MICU1: variants seen among roughly 807,000 people sequenced by gnomAD.
MICU1 encodes mitochondrial calcium uptake 1.
A neutral mutation model predicts 56.8 loss-of-function variants in MICU1; 45 were observed. The ratio of observed to expected loss-of-function variants is 0.79; its 90% CI spans 0.62 to 1.02. The LOEUF (loss-of-function observed/expected upper bound fraction) is 1.02, where lower values mean the gene tolerates loss of function less well. MICU1 is among the 50% of genes least tolerant of loss of function. The pLI, the probability that MICU1 is intolerant of heterozygous loss-of-function variation, is 0.00. For synonymous variants in MICU1, 186 were observed against 195.1 expected, an observed-to-expected ratio of 0.95 and a Z score of 0.39; for missense variants, 504 against 587.1, an observed-to-expected ratio of 0.86 and a Z score of 1.46.
At position 72,505,996 on chromosome 10, in the gene MICU1, C is replaced by CAAAA. The variant is rs34458233; in HGVS notation, c.652+2155_652+2158dup. 9.4e-5 allele frequency among the ~76,000 whole-genome samples: 13 copies of CAAAA among 138,384 alleles called. 1 individual carries two copies. Among genetic ancestry groups the CAAAA allele is most frequent in the Non-Finnish European group, 1.7e-4 (11 of 64,870 alleles). 90.8% of individuals were successfully genotyped at this position (138,384 alleles called of 152,430 possible). On this transcript the variant is annotated intron_variant, in intron 6 of 11. Coordinates refer to ENST00000361114, the MANE Select transcript of MICU1 (RefSeq NM_001195518.2). The stretch of plus-strand genomic sequence containing the variant: ...ATTATAAAAACAAAAAACAAGCAAG[C>CAAAA]AAAAAAAAAAAAAAACTAGTGATAA...
intron 6 of MICU1, among the ~76,000 whole-genome samples, chr10:72,478,117 C>T (rs1589260246): frequency 1.3e-5 from 2 of 151,496 alleles, no homozygotes; most frequent in East Asian, 2.0e-4. Flanking sequence ...GATCCACTCG[C>T]CTTGGCCTCC....
rs969089312 is a variant in MICU1 at position 72,475,081 on chromosome 10, G to A, written c.933+19C>T. On this transcript the variant is annotated intron_variant, in intron 8 of 11. Coordinates refer to ENST00000361114, the MANE Select transcript of MICU1 (RefSeq NM_001195518.2). ...CAGTTCCACATGTGATGGATCTACT[G>A]AGTCTAAGGAAGACCTACCTCAAGC... 5.6e-6 allele frequency: 9 copies of A among 1,595,816 alleles called. No homozygotes were observed. The highest frequency in any genetic ancestry group is 7.7e-6 in the Non-Finnish European group (9 of 1,170,244).
Position 72,568,508 on chromosome 10 carries a change from G to A in MICU1, c.-1-1714C>T, listed in dbSNP as rs373429816. 1.1e-4 allele frequency among the ~76,000 whole-genome samples: 16 copies of A among 152,036 alleles called. No individual in the cohort carries two copies. In the East Asian group the frequency reaches 2.7e-3, roughly 26 times the overall value. On this transcript the variant is annotated intron_variant, in intron 1 of 11. Coordinates refer to ENST00000361114, the MANE Select transcript of MICU1 (RefSeq NM_001195518.2). ...TCTTGTGTTCCTGCACTCCATCGAG[G>A]GAAGACCATGTCCCAAAGAGACACT...
intron 10 of MICU1, among the ~76,000 whole-genome samples, chr10:72,405,649 C>T (rs1269293290): frequency 6.6e-6 from 1 of 150,404 alleles, no homozygotes. Flanking sequence ...TCTAGTAATA[C>T]ATTAAAAAAG....
rs183673131 is a variant in MICU1 at position 72,578,897 on chromosome 10, G to A, written c.-1-12103C>T. ...TGGGATTACAGGTGTGAGTCACCGC[G>A]CCCAGCCTGTTTTTTAGATATAATG... On this transcript the variant is annotated intron_variant, in intron 1 of 11. Coordinates refer to ENST00000361114, the MANE Select transcript of MICU1 (RefSeq NM_001195518.2). 2.7e-3 allele frequency among the ~76,000 whole-genome samples: 416 copies of A among 152,246 alleles called. 2 individuals carry two copies. The highest frequency in any genetic ancestry group is 9.0e-3 in the African/African-American group (374 of 41,558).
At chr10:72,386,210 C>T (rs1045738820) in intron 10 of MICU1, among the ~76,000 whole-genome samples, 1 of 152,054 alleles carries the variant, frequency 6.6e-6, no homozygotes, top group Non-Finnish European at 1.5e-5. Context: ...GGGACGGAGT[C>T]TCGCTCTGTC....
intron 1 of MICU1, among the ~76,000 whole-genome samples, chr10:72,571,631 G>C (rs771187659): frequency 1.3e-5 from 2 of 152,194 alleles, no homozygotes; most frequent in Non-Finnish European, 2.9e-5. Flanking sequence ...AAACTGCAAA[G>C]AAGCAAAGGC....
chr10:72,596,526 A>G (rs759504853), intron 1 of MICU1, among the ~76,000 whole-genome samples: 8 of 152,148 alleles, frequency 5.3e-5, no homozygotes, highest in African/African-American at 9.7e-5. Context: ...GATTAAGACA[A>G]CAAATTTGAT....
Position 72,532,565 on chromosome 10 carries a change from G to A in MICU1, c.537+1181C>T, listed in dbSNP as rs150826555. On this transcript the variant is annotated intron_variant, in intron 5 of 11. Coordinates refer to ENST00000361114, the MANE Select transcript of MICU1 (RefSeq NM_001195518.2). ...AAGTGTTGCAGTAAGTCCTCACATT[G>A]GATAGGGTACTTTACCATAGATAAA... is the stretch of plus-strand genomic sequence containing the variant. Among the ~76,000 whole-genome samples the A allele has an allele frequency of 2.1e-3, 322 of 152,238 alleles. 1 individual carries two copies. Among genetic ancestry groups the A allele is most frequent in the African/African-American group, 6.9e-3 (288 of 41,546 alleles).
chr10:72,524,048 T>A (rs1465762365), intron 5 of MICU1: 1 of 1,166,600 alleles, frequency 8.6e-7, no homozygotes, highest in Non-Finnish European at 1.1e-6. Context: ...AAAAGATTAA[T>A]TTTTAACTTG....
chr10:72,435,792 G>A (rs778383091), intron 8 of MICU1, among the ~76,000 whole-genome samples: 5 of 152,256 alleles, frequency 3.3e-5, no homozygotes, highest in South Asian at 2.1e-4. Flanking sequence ...CACTGCTAGC[G>A]CAGCAGTCTG....
chr10:72,501,539 A>G (rs1451166739), intron 6 of MICU1, among the ~76,000 whole-genome samples: 2 of 152,178 alleles, frequency 1.3e-5, no homozygotes, highest in East Asian at 3.8e-4. Flanking sequence ...ATCATTACAA[A>G]TTTATAATCA....
chr10:72,398,942 A>T (rs1863357802), intron 10 of MICU1, among the ~76,000 whole-genome samples: 1 of 152,244 alleles, frequency 6.6e-6, no homozygotes, highest in South Asian at 2.1e-4. Context: ...AACTCATTTT[A>T]TGAGGCCAAC....
At chr10:72,431,205 G>A (rs940796311) in intron 8 of MICU1, among the ~76,000 whole-genome samples, 6 of 151,320 alleles carry the variant, frequency 4.0e-5, no homozygotes, top group East Asian at 3.9e-4. Flanking sequence ...ATCTTGGCTC[G>A]CTGCAACCTC....
intron 5 of MICU1, 60 bp downstream of exon 5, chr10:72,533,686 C>A: frequency 7.9e-7 from 1 of 1,272,912 alleles, no homozygotes; most frequent in Non-Finnish European, 1.1e-6. Flanking sequence ...TATAGAGGAA[C>A]TTAAAAATCT....
intron 4 of MICU1, among the ~76,000 whole-genome samples, chr10:72,550,934 G>A (rs1840020072): frequency 6.6e-6 from 1 of 152,154 alleles, no homozygotes; most frequent in Non-Finnish European, 1.5e-5. Context: ...CTAATTACAG[G>A]TAGTGAATCT....
chr10:72,504,964 T>C (rs1867195845), intron 6 of MICU1, among the ~76,000 whole-genome samples: 1 of 150,550 alleles, frequency 6.6e-6, no homozygotes, highest in African/African-American at 2.4e-5. Context: ...ATTATTATCA[T>C]TATTATTATT....
At position 72,560,849 on chromosome 10, in the gene MICU1, G is replaced by A. The variant is rs137884720; in HGVS notation, c.330+2046C>T. On this transcript the variant is annotated intron_variant, in intron 3 of 11. Transcript: ENST00000361114. ...CACACCACTACACTCCAGCCTGGGC[G>A]ACAGACCGAGACTCCATCTCAAAAC... 8.1e-3 allele frequency among the ~76,000 whole-genome samples: 1,228 copies of A among 152,008 alleles called. 15 individuals are homozygous for A. Among genetic ancestry groups the A allele is most frequent in the African/African-American group, 0.028 (1,155 of 41,464 alleles).
At chr10:72,425,781 A>G (rs1163091094) in intron 8 of MICU1, among the ~76,000 whole-genome samples, 1 of 152,142 alleles carries the variant, frequency 6.6e-6, no homozygotes, top group Non-Finnish European at 1.5e-5. Flanking sequence ...TTTTCTTTAC[A>G]CGCAAAACTG....
Sources: gnomAD v4.1 joint callset for allele counts (sites outside exome capture counted in the v4.1 genomes callset) on GRCh38, gnomAD v4.1.1 for gene constraint, MANE v1.5 for transcripts, NCBI Gene and HGNC (gene_info 2026-07-23, HGNC 2026-07-21) for gene names.